The following OLFM2 variants were observed in gnomAD, a reference collection of about 807,000 sequenced individuals.
OLFM2 encodes noelin-2.
In OLFM2, 20 loss-of-function variants were observed where a neutral mutation model predicts 43.9. The observed-to-expected ratio is 0.46, with a 90% CI of 0.32 to 0.66. The LOEUF (loss-of-function observed/expected upper bound fraction) is 0.66, where lower values mean the gene tolerates loss of function less well. Ranked by LOEUF, OLFM2 falls within the 30% of genes least tolerant of loss-of-function variation. OLFM2 has a pLI of 0.04. For synonymous variants in OLFM2, 268 were observed against 278.6 expected, an observed-to-expected ratio of 0.96 and a Z score of 0.38; for missense variants, 416 against 643.6, an observed-to-expected ratio of 0.65 and a Z score of 3.83.
At chr19:9,931,804 A>G (rs2086484420) in intron 1 of OLFM2, among the ~76,000 whole-genome samples, 1 of 152,154 alleles carries the variant, frequency 6.6e-6, no homozygotes, top group African/African-American at 2.4e-5. Flanking sequence ...CCTGGCCTCA[A>G]GAGACCCTCT....
At chr19:9,863,040 T>C (rs1164897499) in intron 1 of OLFM2, among the ~76,000 whole-genome samples, 1 of 149,912 alleles carries the variant, frequency 6.7e-6, no homozygotes, top group Non-Finnish European at 1.5e-5. Context: ...GGTGACTGGC[T>C]TGGGCTTGCA....
chr19:9,895,208 C>T (rs755025338), intron 1 of OLFM2, among the ~76,000 whole-genome samples: 17 of 152,250 alleles, frequency 1.1e-4, no homozygotes, highest in Admixed American at 5.9e-4. Context: ...CAAGTCTAGG[C>T]TGTGTGCAGT....
intron 1 of OLFM2, among the ~76,000 whole-genome samples, chr19:9,862,516 T>C (rs1319342756): frequency 7.3e-6 from 1 of 137,396 alleles, no homozygotes; most frequent in African/African-American, 2.7e-5. Flanking sequence ...TACTAAAAAT[T>C]AAAAAAAAAA....
At chr19:9,927,142 C>T (rs2086458427) in intron 1 of OLFM2, among the ~76,000 whole-genome samples, 1 of 151,774 alleles carries the variant, frequency 6.6e-6, no homozygotes. Flanking sequence ...ATTAGCCAGG[C>T]GTGGTAGCAC....
At chr19:9,898,218 AT>A (rs1255533705) in intron 1 of OLFM2, among the ~76,000 whole-genome samples, 2 of 148,842 alleles carry the variant, frequency 1.3e-5, no homozygotes, top group Non-Finnish European at 3.0e-5. Flanking sequence ...GCCCCAGCTA[AT>A]TTTTTTAAAA....
At chr19:9,914,835 C>T (rs867341591) in intron 1 of OLFM2, among the ~76,000 whole-genome samples, 1 of 152,144 alleles carries the variant, frequency 6.6e-6, no homozygotes, top group East Asian at 2.0e-4. Context: ...TCCTGGCGTC[C>T]CCGCATCACC....
At chr19:9,934,780 G>A (rs1171347558) in intron 1 of OLFM2, among the ~76,000 whole-genome samples, 3 of 152,146 alleles carry the variant, frequency 2.0e-5, no homozygotes, top group African/African-American at 7.2e-5. Context: ...GGAAATGGAG[G>A]AGCGAGGGAG....
chr19:9,887,467 C>T (rs1370445530), intron 1 of OLFM2, among the ~76,000 whole-genome samples: 1 of 152,190 alleles, frequency 6.6e-6, no homozygotes, highest in African/African-American at 2.4e-5. Context: ...GCATGAACCA[C>T]CGCACCGCCC....
chr19:9,933,441 T>C (rs1028828946), intron 1 of OLFM2, among the ~76,000 whole-genome samples: 1 of 152,086 alleles, frequency 6.6e-6, no homozygotes, highest in African/African-American at 2.4e-5. Flanking sequence ...TTTCACCATG[T>C]TGGCCGGGCT....
intron 1 of OLFM2, among the ~76,000 whole-genome samples, chr19:9,922,018 C>T (rs1195249224): frequency 4.6e-5 from 7 of 150,814 alleles, no homozygotes; most frequent in African/African-American, 7.3e-5. Flanking sequence ...CGCTTGAGCC[C>T]GGGAGATCGA....
intron 1 of OLFM2, among the ~76,000 whole-genome samples, chr19:9,924,676 C>G (rs1362470693): frequency 6.6e-6 from 1 of 151,900 alleles, no homozygotes; most frequent in Non-Finnish European, 1.5e-5. Context: ...TAGTGCCAAG[C>G]TTTTCATATT....
chr19:9,859,791 GT>G (rs2046352843), intron 2 of OLFM2, among the ~76,000 whole-genome samples: 1 of 152,144 alleles, frequency 6.6e-6, no homozygotes, highest in Non-Finnish European at 1.5e-5. Flanking sequence ...TGCCCCTCCA[GT>G]CTTCCTTCCT....
intron 1 of OLFM2, among the ~76,000 whole-genome samples, chr19:9,910,354 T>C (rs1163398944): frequency 1.3e-5 from 2 of 152,200 alleles, no homozygotes; most frequent in Non-Finnish European, 2.9e-5. Context: ...TAACTGAGCA[T>C]CTGCTATCTT....
chr19:9,918,865 G>A (rs988219136), intron 1 of OLFM2, among the ~76,000 whole-genome samples: 14 of 152,170 alleles, frequency 9.2e-5, no homozygotes, highest in African/African-American at 2.7e-4. Context: ...AAGTGGGGGT[G>A]GGAGTGGAGA....
At chr19:9,865,552 C>G (rs377582546) in intron 1 of OLFM2, among the ~76,000 whole-genome samples, 2 of 121,210 alleles carry the variant, frequency 1.7e-5, no homozygotes, top group Non-Finnish European at 3.2e-5. Context: ...AGTGCAATGG[C>G]GGGATCTCGG....
chr19:9,872,191 C>T (rs182150746), intron 1 of OLFM2, among the ~76,000 whole-genome samples: 141 of 152,192 alleles, frequency 9.3e-4, no homozygotes, highest in African/African-American at 3.3e-3. Context: ...GGCAAATATC[C>T]CCTGAGTGAT....
intron 1 of OLFM2, among the ~76,000 whole-genome samples, chr19:9,897,300 C>T (rs1252107471): frequency 6.7e-6 from 1 of 149,692 alleles, no homozygotes; most frequent in Non-Finnish European, 1.5e-5. Flanking sequence ...TACACTCTAG[C>T]CTGGGCAACA....
At chr19:9,858,045 C>A in intron 2 of OLFM2, 184 bp from the exon 3 acceptor site, 1 of 713,180 alleles carries the variant, frequency 1.4e-6, no homozygotes, top group Non-Finnish European at 2.5e-6. Flanking sequence ...TCCATCGCTC[C>A]CTCCCTACTA....
At chr19:9,890,799 T>A (rs767562135) in intron 1 of OLFM2, among the ~76,000 whole-genome samples, 3 of 151,780 alleles carry the variant, frequency 2.0e-5, no homozygotes, top group Non-Finnish European at 2.9e-5. Flanking sequence ...CAAAATATTT[T>A]AAAAATTTAT....
Sources: gnomAD v4.1 joint callset for allele counts (sites outside exome capture counted in the v4.1 genomes callset) on GRCh38, gnomAD v4.1.1 for gene constraint, MANE v1.5 for transcripts, NCBI Gene and HGNC (gene_info 2026-07-23, HGNC 2026-07-21) for gene names.